ANKRD6: variants seen among roughly 807,000 people sequenced by gnomAD.
The protein encoded by ANKRD6 is ankyrin repeat domain 6.
A neutral mutation model predicts 82.3 loss-of-function variants in ANKRD6; 56 were observed. That is an observed-to-expected ratio of 0.68 (90% CI 0.55 to 0.85). The LOEUF (loss-of-function observed/expected upper bound fraction) is 0.85. Ranked by LOEUF, ANKRD6 falls within the 40% of genes least tolerant of loss-of-function variation. The pLI is 0.00. For missense variants in ANKRD6, 852 were observed against 907.6 expected (o/e 0.94, Z 0.79); for synonymous variants, 347 against 352.1 (o/e 0.99, Z 0.16).
In ANKRD6 at chr6:89,453,681, G is replaced by A. The variant is rs892761136; in HGVS notation, c.-144+20306G>A. Among the ~76,000 whole-genome samples, 2 of 152,204 alleles carry A rather than the reference G, an allele frequency of 1.3e-5. 1 individual carries two copies. Among genetic ancestry groups the A allele is most frequent in the Middle Eastern group, 6.8e-3 (2 of 294 alleles). On this transcript the variant is annotated intron_variant, in intron 1 of 15. Coordinates refer to ENST00000339746, the MANE Select transcript of ANKRD6 (RefSeq NM_001242809.2). ...TGCAACCTTTGCCTCCCAGGTTCAAGCTATTCTCCTGCCTCGGCCTGCCGA... is the reference window on the plus strand; with the variant it reads ...TGCAACCTTTGCCTCCCAGGTTCAAACTATTCTCCTGCCTCGGCCTGCCGA...
chr6:89,588,239 C>G (rs371066543), intron 2 of ANKRD6, among the ~76,000 whole-genome samples: 6 of 152,350 alleles, frequency 3.9e-5, no homozygotes, highest in Admixed American at 3.3e-4. Flanking sequence ...TTCATTTCAT[C>G]TCTTCAGCCA....
rs981711147 is a variant in ANKRD6, at chr6:89,622,142, C to T, written c.897+116C>T. 2.2e-5 allele frequency: 18 copies of T among 829,612 alleles called. No homozygotes were observed. The African/African-American group carries it at 2.4e-4, about 11-fold the overall frequency. The allele number at this position is 829,612 out of a possible 1,614,324, so 51.4% of individuals were successfully genotyped here. A position where few individuals can be genotyped will look rare whatever the true frequency, so the allele number is the denominator to read the frequency against. ...CTGCCCGGCCCTCTCTGCCTCTCCT[C>T]CTTGCTGGAGCTCTTCAAACTGTTG... On this transcript the variant is annotated intron_variant, in intron 10 of 15. Coordinates refer to ENST00000339746, the MANE Select transcript of ANKRD6 (RefSeq NM_001242809.2).
chr6:89,511,537 G>T (rs187305366), intron 1 of ANKRD6, among the ~76,000 whole-genome samples: 88 of 152,346 alleles, frequency 5.8e-4, no homozygotes, highest in African/African-American at 2.1e-3. Flanking sequence ...CCATTTATTA[G>T]CTGTGAATCT....
At chr6:89,584,664 T>C (rs867437317) in intron 2 of ANKRD6, among the ~76,000 whole-genome samples, 2 of 152,204 alleles carry the variant, frequency 1.3e-5, no homozygotes, top group Non-Finnish European at 2.9e-5. Flanking sequence ...TTATAAACTA[T>C]GATGAAGTGA....
chr6:89,502,755 G>A (rs931921019), intron 1 of ANKRD6, among the ~76,000 whole-genome samples: 3 of 152,184 alleles, frequency 2.0e-5, no homozygotes, highest in Admixed American at 6.5e-5. Context: ...CTATGGAAAT[G>A]TAGTACTTAC....
rs1038393198 is a variant in ANKRD6, at chr6:89,541,939, G to A, written c.-143-24895G>A. Among the ~76,000 whole-genome samples, 6 of 151,704 alleles carry A rather than the reference G, an allele frequency of 4.0e-5. No individual in the cohort carries two copies. The East Asian group carries it at 5.8e-4, about 15-fold the overall frequency. On this transcript the variant is annotated intron_variant, in intron 1 of 15. Transcript: ENST00000339746. ...AATAATTGTCTGTATTTGCACCTTC[G>A]ATAAATAATGTGTATAGCTTTCCTA...
intron 1 of ANKRD6, among the ~76,000 whole-genome samples, chr6:89,548,315 A>G (rs1785377801): frequency 6.6e-6 from 1 of 152,174 alleles, no homozygotes; most frequent in South Asian, 2.1e-4. Flanking sequence ...CTTCTTTTAC[A>G]TAGTTTAATT....
rs2128177723 is a variant in ANKRD6, at chr6:89,603,066, G to A, written c.257G>A (p.Gly86Glu). Residue 86 changes from glycine (G) to glutamate (E), a missense_variant, in exon 4 of 16, where the codon GGG (glycine) becomes GAG (glutamate). Transcript: ENST00000339746. ...QTALHRATVV[G>E]NTEIIAALIH... is the part of the protein sequence containing the mutation. ...GCCTTGCACCGGGCCACAGTGGTGG[G>A]GAACACGGAGATCATCGCGGCGCTC... 4 of 1,609,118 alleles carry A rather than the reference G, an allele frequency of 2.5e-6. No homozygotes were observed. Among genetic ancestry groups the A allele is most frequent in the Non-Finnish European group, 3.4e-6 (4 of 1,178,158 alleles).
At chr6:89,577,249 TG>T (rs1562892481) in intron 2 of ANKRD6, among the ~76,000 whole-genome samples, 4 of 152,150 alleles carry the variant, frequency 2.6e-5, no homozygotes, top group African/African-American at 4.8e-5. Flanking sequence ...ATCCCTCCAC[TG>T]ACGCTTCCTG....
chr6:89,446,658 G>A (rs934124275), intron 1 of ANKRD6, among the ~76,000 whole-genome samples: 3 of 152,164 alleles, frequency 2.0e-5, no homozygotes, highest in Non-Finnish European at 4.4e-5. Flanking sequence ...TGAGGCAGGA[G>A]GATGGCTTTA....
intron 5 of ANKRD6, among the ~76,000 whole-genome samples, chr6:89,607,164 G>C (rs1214246523): frequency 9.8e-6 from 1 of 101,762 alleles, no homozygotes; most frequent in Non-Finnish European, 2.5e-5. Context: ...AGTGAGACCC[G>C]GTCTCAAAAA....
intron 1 of ANKRD6, among the ~76,000 whole-genome samples, chr6:89,488,136 G>A (rs1477254466): frequency 6.6e-6 from 1 of 152,170 alleles, no homozygotes; most frequent in Non-Finnish European, 1.5e-5. Flanking sequence ...ATGACTGAGA[G>A]CCCTCTCTAC....
At position 89,441,620 on chromosome 6, in the gene ANKRD6, C is replaced by CTTTTTTT. The variant is rs71556522; in HGVS notation, c.-144+8266_-144+8272dup. On this transcript the variant is annotated intron_variant, in intron 1 of 15. Transcript: ENST00000339746. ...CATAGCCTTGGTTTTCTTTTCTTTC[C>CTTTTTTT]TTTTTTTTTTTTTTTTTTTTTTTTT... Among the ~76,000 whole-genome samples, 16 of 80,458 alleles carry CTTTTTTT rather than the reference C, an allele frequency of 2.0e-4. 1 individual carries two copies. The highest frequency in any genetic ancestry group is 4.1e-4 in the East Asian group (1 of 2,418). 52.8% of individuals were successfully genotyped at this position (80,458 alleles called of 152,430 possible).
chr6:89,459,143 A>G (rs575772078), intron 1 of ANKRD6, among the ~76,000 whole-genome samples: 1 of 152,048 alleles, frequency 6.6e-6, no homozygotes, highest in Non-Finnish European at 1.5e-5. Flanking sequence ...CAATGATGTG[A>G]TCTCGGCTCA....
Position 89,537,672 on chromosome 6 carries a change from G to C in ANKRD6, c.-143-29162G>C, listed in dbSNP as rs1050565943. Among the ~76,000 whole-genome samples, 5 of 151,566 alleles carry C rather than the reference G, an allele frequency of 3.3e-5. No individual in the cohort carries two copies. In the East Asian group the frequency reaches 9.6e-4, roughly 29 times the overall value. ...CTCATGCCTGTAATCCCAGCACTTG[G>C]GGATGCCGAGGTAGGAGGATTGCTT... On this transcript the variant is annotated intron_variant, in intron 1 of 15. Transcript: ENST00000339746.
chr6:89,589,976 C>G (rs1320655279), intron 2 of ANKRD6, among the ~76,000 whole-genome samples: 1 of 152,170 alleles, frequency 6.6e-6, no homozygotes, highest in African/African-American at 2.4e-5. Context: ...ACCAGGGCCC[C>G]TTGAGGAAGC....
At chr6:89,540,065 G>A (rs1784291205) in intron 1 of ANKRD6, among the ~76,000 whole-genome samples, 1 of 152,014 alleles carries the variant, frequency 6.6e-6, no homozygotes, top group Admixed American at 6.6e-5. Context: ...CCAAATCTTA[G>A]CTATTATAAA....
At chr6:89,512,285 G>A (rs1027979683) in intron 1 of ANKRD6, among the ~76,000 whole-genome samples, 6 of 152,142 alleles carry the variant, frequency 3.9e-5, no homozygotes, top group Non-Finnish European at 5.9e-5. Context: ...AGTCTTAAAC[G>A]CCAGTCAATG....
chr6:89,560,526 G>C (rs1055998941), intron 1 of ANKRD6, among the ~76,000 whole-genome samples: 1 of 152,190 alleles, frequency 6.6e-6, no homozygotes, highest in Non-Finnish European at 1.5e-5. Flanking sequence ...GAAGCTTATA[G>C]AAAACTGTAG....
Sources: allele counts gnomAD v4.1 joint callset (sites outside exome capture counted in the v4.1 genomes callset), GRCh38; gene constraint gnomAD v4.1.1; transcripts MANE v1.5; gene names NCBI Gene and HGNC (gene_info 2026-07-23, HGNC 2026-07-21).